The following NRXN3 variants were observed in gnomAD, a reference collection of about 807,000 sequenced individuals.
NRXN3 encodes neurexin III.
NRXN3 carries 32 observed loss-of-function variants against 137.6 expected under a neutral mutation model. The observed-to-expected ratio is 0.23, with a 90% CI of 0.18 to 0.31. The LOEUF (loss-of-function observed/expected upper bound fraction) is 0.31, where lower values mean the gene tolerates loss of function less well. Ranked by LOEUF, NRXN3 falls within the 10% of genes least tolerant of loss-of-function variation. NRXN3 has a pLI of 1.00. For synonymous variants in NRXN3, 798 were observed against 784.5 expected, an observed-to-expected ratio of 1.02 and a Z score of -0.29; for missense variants, 1,574 against 2,062.5, an observed-to-expected ratio of 0.76 and a Z score of 4.59.
At chr14:78,494,921 C>A (rs1043572777) in intron 4 of NRXN3, among the ~76,000 whole-genome samples, 1 of 151,970 alleles carries the variant, frequency 6.6e-6, no homozygotes, top group Admixed American at 6.6e-5. Flanking sequence ...ATCAGACTGG[C>A]CTCTTGATAT....
intron 4 of NRXN3, among the ~76,000 whole-genome samples, chr14:78,314,670 G>A (rs2078348401): frequency 6.6e-6 from 1 of 152,176 alleles, no homozygotes; most frequent in South Asian, 2.1e-4. Context: ...AGGATAAGGG[G>A]CCTGGTGGCT....
intron 15 of NRXN3, among the ~76,000 whole-genome samples, chr14:79,269,492 A>T (rs189039961): frequency 1.3e-5 from 2 of 152,342 alleles, no homozygotes. Context: ...AGTTTATCCT[A>T]GGTATCTCCT....
intron 2 of NRXN3, among the ~76,000 whole-genome samples, chr14:78,249,237 G>A (rs553631476): frequency 6.6e-6 from 1 of 152,326 alleles, no homozygotes; most frequent in African/African-American, 2.4e-5. Context: ...CAAAGAGGGT[G>A]GGCAGTGGAT....
In NRXN3 at chr14:78,803,802, G is replaced by A. The variant is rs1426362584; in HGVS notation, c.2227G>A (p.Val743Ile). 1.2e-6 allele frequency: 2 copies of A among 1,613,864 alleles called. No homozygotes were observed. The highest frequency in any genetic ancestry group is 1.3e-5 in the African/African-American group (1 of 75,038). The stretch of plus-strand genomic sequence containing the variant: ...GCGTCTGGAGCTGGATGGGGGGCGT[G>A]TCAAGCTCATGGTTAACTTAGGTAT... ...TLRLELDGGRVKLMVNLDCIR... is the reference protein window; with the variant it reads ...TLRLELDGGRIKLMVNLDCIR... Residue 743 changes from valine (V) to isoleucine (I), a missense_variant, in exon 9 of 21, where the codon GTC becomes ATC. By Grantham distance (29) the Val-to-Ile change is conservative (BLOSUM62 3). This residue lies in a region of NRXN3 where 718 missense variants were observed against 887.6 expected (regional missense o/e 0.81). Transcript: ENST00000335750.
At chr14:79,494,365 G>A (rs1238751325) in intron 16 of NRXN3, among the ~76,000 whole-genome samples, 1 of 152,176 alleles carries the variant, frequency 6.6e-6, no homozygotes, top group Non-Finnish European at 1.5e-5. Flanking sequence ...ACTCTGGGAA[G>A]ACTATTTCTA....
At chr14:78,949,975 G>A (rs968011477) in intron 10 of NRXN3, among the ~76,000 whole-genome samples, 1 of 152,096 alleles carries the variant, frequency 6.6e-6, no homozygotes, top group Non-Finnish European at 1.5e-5. Context: ...AATCTCTTTA[G>A]CTCAATCACA....
At chr14:78,591,837 C>T (rs1395404759) in intron 4 of NRXN3, among the ~76,000 whole-genome samples, 1 of 152,192 alleles carries the variant, frequency 6.6e-6, no homozygotes, top group East Asian at 1.9e-4. Context: ...GCGCCATCGC[C>T]ATTACTCTAA....
intron 4 of NRXN3, among the ~76,000 whole-genome samples, chr14:78,353,736 A>T (rs1227716201): frequency 6.6e-6 from 1 of 152,202 alleles, no homozygotes; most frequent in Non-Finnish European, 1.5e-5. Context: ...AATTCCAGAG[A>T]TGTTTGTACC....
intron 10 of NRXN3, among the ~76,000 whole-genome samples, chr14:78,854,244 A>T (rs143554847): frequency 0.011 from 1,608 of 152,346 alleles, 13 homozygotes; most frequent in Non-Finnish European, 0.018. Context: ...TCTGTAACAC[A>T]TGCTTCGGCC....
chr14:79,593,679 A>G (rs1356129697), intron 16 of NRXN3, among the ~76,000 whole-genome samples: 1 of 151,966 alleles, frequency 6.6e-6, no homozygotes, highest in Non-Finnish European at 1.5e-5. Flanking sequence ...AAGCAAACAC[A>G]TGAACCTAAA....
At chr14:79,436,796 A>G (rs772129332) in intron 15 of NRXN3, among the ~76,000 whole-genome samples, 9 of 152,148 alleles carry the variant, frequency 5.9e-5, no homozygotes, top group Admixed American at 1.3e-4. Flanking sequence ...TAATTGGATT[A>G]AGTCCTCTCT....
chr14:79,146,255 C>T (rs1049070753), intron 15 of NRXN3, among the ~76,000 whole-genome samples: 1 of 152,124 alleles, frequency 6.6e-6, no homozygotes, highest in South Asian at 2.1e-4. Flanking sequence ...AGAGCCTGTG[C>T]TCTTAACCAC....
In NRXN3 at chr14:79,544,125, C is replaced by T. The variant is rs111409048; in HGVS notation, c.3444+76723C>T. Among the ~76,000 whole-genome samples the T allele has an allele frequency of 3.4e-3, 522 of 152,288 alleles. 2 individuals are homozygous for T. The highest frequency in any genetic ancestry group is 0.012 in the African/African-American group (511 of 41,572). ...TAAAAATACTTCTTAAATGTCACAG[C>T]GCCCCCATGGGGCTGGCTGGGGCAA... On this transcript the variant is annotated intron_variant, in intron 16 of 20. Coordinates refer to ENST00000335750, the MANE Select transcript of NRXN3 (RefSeq NM_001330195.2).
intron 15 of NRXN3, among the ~76,000 whole-genome samples, chr14:79,363,957 T>C (rs2093781232): frequency 6.6e-6 from 1 of 152,184 alleles, no homozygotes; most frequent in Non-Finnish European, 1.5e-5. Flanking sequence ...TGACACCTAC[T>C]CTTTAGTAGA....
chr14:79,067,705 C>T (rs1444639858), intron 15 of NRXN3, among the ~76,000 whole-genome samples: 1 of 151,886 alleles, frequency 6.6e-6, no homozygotes, highest in Admixed American at 6.6e-5. Context: ...ATAAGGAAGG[C>T]AATCATGTTG....
At chr14:79,168,822 A>C (rs545244079) in intron 15 of NRXN3, among the ~76,000 whole-genome samples, 188 of 152,228 alleles carry the variant, frequency 1.2e-3, no homozygotes, top group Non-Finnish European at 1.7e-3. Flanking sequence ...GAAATTTATC[A>C]TGAAATGTAA....
chr14:78,943,678 A>ATATATATC (rs2099358733), intron 10 of NRXN3, among the ~76,000 whole-genome samples: 1 of 102,496 alleles, frequency 9.8e-6, no homozygotes, highest in Non-Finnish European at 2.0e-5. Flanking sequence ...ATATATATAT[A>ATATATATC]TCTCAAAGAA....
chr14:78,171,756 T>C (rs2058746342), intron 1 of NRXN3, among the ~76,000 whole-genome samples: 1 of 152,086 alleles, frequency 6.6e-6, no homozygotes, highest in South Asian at 2.1e-4. Flanking sequence ...AATAAAATTT[T>C]CCCTTCCTCC....
At chr14:79,252,798 A>G (rs2076109755) in intron 15 of NRXN3, among the ~76,000 whole-genome samples, 1 of 152,130 alleles carries the variant, frequency 6.6e-6, no homozygotes, top group African/African-American at 2.4e-5. Flanking sequence ...GCTAGAACAT[A>G]CCTTCCCTCT....
Sources: allele counts gnomAD v4.1 joint callset (sites outside exome capture counted in the v4.1 genomes callset), GRCh38; gene constraint gnomAD v4.1.1; regional missense constraint gnomAD v4.1.1; transcripts MANE v1.5; gene names NCBI Gene and HGNC (gene_info 2026-07-23, HGNC 2026-07-21).